The following TMPRSS2 variants were observed in gnomAD, a reference collection of about 807,000 sequenced individuals.
The protein encoded by TMPRSS2 is transmembrane protease serine 2.
TMPRSS2 carries 59 observed loss-of-function variants against 67.4 expected under a neutral mutation model. The observed-to-expected ratio is 0.88, with a 90% CI of 0.71 to 1.09. The LOEUF (loss-of-function observed/expected upper bound fraction) is 1.09. Ranked by LOEUF, TMPRSS2 falls within the 50% of genes least tolerant of loss-of-function variation. TMPRSS2 has a pLI of 0.00. For missense variants in TMPRSS2, 668 were observed against 642.7 expected (o/e 1.04, Z -0.43); for synonymous variants, 257 against 257.0 (o/e 1.00, Z 0.00).
chr21:41,477,273 C>T (rs931093641), intron 7 of TMPRSS2, among the ~76,000 whole-genome samples: 7 of 152,160 alleles, frequency 4.6e-5, no homozygotes, highest in African/African-American at 1.7e-4. Flanking sequence ...CGGACTAGGC[C>T]CCTCCATGCC....
rs2146416409 is a variant in TMPRSS2, at chr21:41,466,146, C to A, written c.1475G>T (p.Gly492Val). The stretch of plus-strand genomic sequence containing the variant: ...CAAGGACGAAGACCATGTGGATTAG[C>A]CGTCTGCCTGTTCAAATAGGAAAAA... ...DWIYRQMRAD[G>V] The change falls in exon 14 of 14, where the codon GGC becomes GTC. Residue 492 changes from glycine (G) to valine (V), a missense_variant. Transcript: ENST00000332149. The A allele has an allele frequency of 1.9e-6, 3 of 1,613,992 alleles. No individual in the cohort carries two copies. The highest frequency in any genetic ancestry group is 2.5e-6 in the Non-Finnish European group (3 of 1,179,970).
chr21:41,482,371 G>C (rs1029027943), intron 5 of TMPRSS2, among the ~76,000 whole-genome samples: 1 of 152,174 alleles, frequency 6.6e-6, no homozygotes, highest in Non-Finnish European at 1.5e-5. Flanking sequence ...GTTAAGCAGA[G>C]CATCATGAAC....
chr21:41,475,739 G>A (rs1430048490), intron 8 of TMPRSS2, among the ~76,000 whole-genome samples: 1 of 143,690 alleles, frequency 7.0e-6, no homozygotes, highest in East Asian at 2.2e-4. Flanking sequence ...GGGGGTGAGT[G>A]AGGGGGTGAG....
intron 8 of TMPRSS2, among the ~76,000 whole-genome samples, chr21:41,475,969 G>A (rs1294439287): frequency 1.3e-5 from 2 of 151,946 alleles, no homozygotes; most frequent in East Asian, 1.9e-4. Flanking sequence ...TCAGGACCAC[G>A]GCCCCACGAC....
intron 7 of TMPRSS2, 27 bp from the exon 8 acceptor site, chr21:41,476,647 G>A (rs2091215705): frequency 6.2e-7 from 1 of 1,607,904 alleles, no homozygotes; most frequent in Non-Finnish European, 8.5e-7. Context: ...GGAAATTCTG[G>A]TCACGATAGT....
At chr21:41,494,690 A>G (rs1216534564) in intron 2 of TMPRSS2, 112 bp from the exon 3 acceptor site, 2 of 1,023,920 alleles carry the variant, frequency 2.0e-6, no homozygotes, top group African/African-American at 1.6e-5. Flanking sequence ...TAAATTGATA[A>G]TGTTTTTATT....
intron 1 of TMPRSS2, among the ~76,000 whole-genome samples, chr21:41,499,700 G>A (rs1258060917): frequency 6.6e-6 from 1 of 152,142 alleles, no homozygotes; most frequent in Non-Finnish European, 1.5e-5. Context: ...GCGGATCCCA[G>A]TCTCTTCTTC....
intron 3 of TMPRSS2, among the ~76,000 whole-genome samples, chr21:41,493,031 C>T (rs1195618842): frequency 6.6e-6 from 1 of 152,182 alleles, no homozygotes; most frequent in African/African-American, 2.4e-5. Context: ...CTGTCTTGTG[C>T]CTTGCGGGAG....
intron 1 of TMPRSS2, among the ~76,000 whole-genome samples, chr21:41,507,124 C>T (rs2091463388): frequency 6.6e-6 from 1 of 152,228 alleles, no homozygotes. Flanking sequence ...CCCTCCTCTG[C>T]CACAAGCGCT....
intron 5 of TMPRSS2, among the ~76,000 whole-genome samples, chr21:41,484,618 A>G (rs1177327411): frequency 2.0e-5 from 3 of 152,184 alleles, no homozygotes; most frequent in African/African-American, 4.8e-5. Context: ...TTCCTTTTAT[A>G]TGAATAATCA....
chr21:41,464,344 A>G lies in TMPRSS2; in HGVS notation c.*1798T>C, dbSNP rs1441386396. Among the ~76,000 whole-genome samples, 2 of 152,196 alleles carry G rather than the reference A, an allele frequency of 1.3e-5. No homozygotes were observed. Among genetic ancestry groups the G allele is most frequent in the Non-Finnish European group, 2.9e-5 (2 of 68,024 alleles). On this transcript the variant is annotated 3_prime_UTR_variant, in exon 14 of 14. Coordinates refer to ENST00000332149, the MANE Select transcript of TMPRSS2 (RefSeq NM_005656.4). The stretch of plus-strand genomic sequence containing the variant: ...GGGTATGTCTTTATTAGGAGCATGG[A>G]AACAGACTAATAGAATAATAAGAAG...
In TMPRSS2 at chr21:41,464,320, G is replaced by C. The variant is rs1160560281; in HGVS notation, c.*1822C>G. Reference sequence around the variant, plus strand: ...CTTTCTTTTGTAAATTGCAGTCTTGGGTATGTCTTTATTAGGAGCATGGAA... The same window carrying C: ...CTTTCTTTTGTAAATTGCAGTCTTGCGTATGTCTTTATTAGGAGCATGGAA... On this transcript the variant is annotated 3_prime_UTR_variant, in exon 14 of 14. Coordinates refer to ENST00000332149, the MANE Select transcript of TMPRSS2 (RefSeq NM_005656.4). 6.6e-6 allele frequency among the ~76,000 whole-genome samples: 1 copy of C among 152,110 alleles called. No individual in the cohort carries two copies. The highest frequency in any genetic ancestry group is 1.5e-5 in the Non-Finnish European group (1 of 68,028).
intron 10 of TMPRSS2, 23 bp from the exon 11 acceptor site, chr21:41,470,766 A>C (rs376648381): frequency 2.4e-4 from 301 of 1,265,102 alleles, no homozygotes; most frequent in Non-Finnish European, 3.2e-4. Flanking sequence ...GAGAAAACAC[A>C]GTGAGCCAGG....
chr21:41,466,242 A>T, intron 13 of TMPRSS2, 89 bp from the exon 14 acceptor site: 2 of 1,340,734 alleles, frequency 1.5e-6, no homozygotes, highest in African/African-American at 2.9e-5. Context: ...CGCATGAAGC[A>T]CTTAGAAACC....
chr21:41,484,948 A>G (rs534978728), intron 5 of TMPRSS2, among the ~76,000 whole-genome samples: 1 of 152,262 alleles, frequency 6.6e-6, no homozygotes, highest in Admixed American at 6.5e-5. Context: ...ACCACTGGGA[A>G]ATAGGGTCAT....
intron 1 of TMPRSS2, chr21:41,502,512 C>T (rs1483850008): frequency 5.1e-6 from 5 of 985,224 alleles, no homozygotes; most frequent in Non-Finnish European, 6.0e-6. Context: ...CAGACAGCAC[C>T]ACCACCACCA....
chr21:41,469,075 C>G (rs975373179), intron 11 of TMPRSS2, among the ~76,000 whole-genome samples: 1 of 152,142 alleles, frequency 6.6e-6, no homozygotes, highest in Non-Finnish European at 1.5e-5. Context: ...TTCTGGGCAC[C>G]GTGGGCTTAG....
intron 5 of TMPRSS2, among the ~76,000 whole-genome samples, chr21:41,481,540 T>G (rs183405398): frequency 6.3e-4 from 96 of 152,298 alleles, no homozygotes; most frequent in Non-Finnish European, 1.2e-3. Flanking sequence ...GATGAAAATA[T>G]GCTAAAATTG....
At chr21:41,490,604 C>T (rs928871) in intron 3 of TMPRSS2, among the ~76,000 whole-genome samples, 56,982 of 152,078 alleles carry the variant, frequency 0.37, 12,692 homozygotes, top group African/African-American at 0.61. Context: ...AGAAAAAAAA[C>T]GAATTTGGAA....
Sources: gnomAD v4.1 joint callset for allele counts (sites outside exome capture counted in the v4.1 genomes callset) on GRCh38, gnomAD v4.1.1 for gene constraint, MANE v1.5 for transcripts, NCBI Gene and HGNC (gene_info 2026-07-23, HGNC 2026-07-21) for gene names.